The following SRC variants were observed in gnomAD, a reference collection of about 807,000 sequenced individuals.
SRC encodes the protein SRC proto-oncogene, non-receptor tyrosine kinase.
Under a neutral mutation model 62.9 loss-of-function variants are expected in SRC, and 13 were observed. The ratio of observed to expected loss-of-function variants is 0.21; its 90% CI spans 0.13 to 0.33. SRC has a LOEUF of 0.33. Ranked by LOEUF, SRC falls within the 10% of genes least tolerant of loss-of-function variation. The pLI, the probability that SRC is intolerant of heterozygous loss-of-function variation, is 1.00. For synonymous variants in SRC, 302 were observed against 317.5 expected (o/e 0.95, Z 0.52); for missense variants, 457 against 737.3 (o/e 0.62, Z 4.40).
In SRC at chr20:37,403,955, G is replaced by A. The variant is rs1022318480; in HGVS notation, c.*576G>A. Reference sequence around the variant, plus strand: ...GGCCTTGCCTGGCCTGATGATGGTGGGTGGGTGGGATGAGTACCCCCTCAA... The same window carrying A: ...GGCCTTGCCTGGCCTGATGATGGTGAGTGGGTGGGATGAGTACCCCCTCAA... On this transcript the variant is annotated 3_prime_UTR_variant, in exon 14 of 14. Transcript: ENST00000373578. This position sits in a 1 kb window ranked among gnomAD's most constrained non-coding sequence, Gnocchi z 7.1. The A allele has an allele frequency of 4.2e-6, 1 of 239,110 alleles. No homozygotes were observed. The highest frequency in any genetic ancestry group is 8.3e-6 in the Non-Finnish European group (1 of 120,874). The allele number at this position is 239,110 out of a possible 1,614,324, so 14.8% of individuals were successfully genotyped here.
chr20:37,384,197 G>C lies in SRC; in HGVS notation c.44G>C (p.Arg15Pro). The change falls in exon 4 of 14, where the codon CGC becomes CCC. Residue 15 changes from arginine to proline, a missense_variant. Arg to Pro is a moderately radical substitution (Grantham distance 103). Coordinates refer to ENST00000373578, the MANE Select transcript of SRC (RefSeq NM_198291.3). The surrounding 1 kb of genome is among the most constrained non-coding windows in gnomAD (Gnocchi z 6.7). Reference protein sequence around the residue: ...KSKPKDASQRRRSLEPAENVH... With the variant: ...KSKPKDASQRPRSLEPAENVH... ...AAGCCCAAGGATGCCAGCCAGCGGC[G>C]CCGCAGCCTGGAGCCCGCCGAGAAC... 6.3e-7 allele frequency: 1 copy of C among 1,596,922 alleles called. No homozygotes were observed. Among genetic ancestry groups the C allele is most frequent in the Non-Finnish European group, 8.5e-7 (1 of 1,175,910 alleles).
chr20:37,357,084 TG>T (rs2069894078), intron 1 of SRC, among the ~76,000 whole-genome samples: 1 of 152,078 alleles, frequency 6.6e-6, no homozygotes, highest in South Asian at 2.1e-4. Context: ...TGCTGGGCTG[TG>T]GGGGGCGGCT....
intron 5 of SRC, among the ~76,000 whole-genome samples, chr20:37,390,095 C>T (rs1046888612): frequency 1.3e-5 from 2 of 152,160 alleles, no homozygotes; most frequent in South Asian, 2.1e-4. Flanking sequence ...TCATCACAGT[C>T]GTCATCTCAG....
At chr20:37,383,301 CA>C (rs1277144430) in intron 3 of SRC, among the ~76,000 whole-genome samples, 1 of 152,192 alleles carries the variant, frequency 6.6e-6, no homozygotes, top group Non-Finnish European at 1.5e-5. Context: ...AGCATTTGGG[CA>C]GTGGGAATGG....
intron 2 of SRC, among the ~76,000 whole-genome samples, chr20:37,368,577 G>A: frequency 1.0e-5 from 1 of 99,284 alleles, no homozygotes; most frequent in Non-Finnish European, 1.9e-5. Context: ...TTTTGAGACG[G>A]AGTCTCGCTC....
At chr20:37,377,936 G>A (rs564619012) in intron 2 of SRC, among the ~76,000 whole-genome samples, 21 of 152,010 alleles carry the variant, frequency 1.4e-4, no homozygotes, top group South Asian at 1.0e-3. Context: ...GGGTACATGA[G>A]ATATCTTGAC....
rs1181679354 is a variant in SRC, at chr20:37,398,373, A to G, written c.859+519A>G. Among the ~76,000 whole-genome samples, 1 of 152,222 alleles carries G rather than the reference A, an allele frequency of 6.6e-6. No individual in the cohort carries two copies. Among genetic ancestry groups the G allele is most frequent in the African/African-American group, 2.4e-5 (1 of 41,454 alleles). ...GCACCGTGCAGCCCTGACAAAACCC[A>G]GGCCCCTCTTCCACCGGATGCTTTC... On this transcript the variant is annotated intron_variant, in intron 9 of 13. Transcript: ENST00000373578. This position sits in a 1 kb window ranked among gnomAD's most constrained non-coding sequence, Gnocchi z 5.2.
chr20:37,386,358 C>T lies in SRC; in HGVS notation c.350+184C>T, dbSNP rs2070455662. ...CCCTGGGCAGCACCTGCTGTTGCTC[C>T]CCCAGCCATGGGGAACTCCTCCCAA... On this transcript the variant is annotated intron_variant, in intron 5 of 13. Coordinates refer to ENST00000373578, the MANE Select transcript of SRC (RefSeq NM_198291.3). 3 of 728,442 alleles carry T rather than the reference C, an allele frequency of 4.1e-6. No homozygotes were observed. In the Admixed American group the frequency reaches 6.0e-5, roughly 14 times the overall value. 45.1% of individuals were successfully genotyped at this position (728,442 alleles called of 1,614,324 possible).
chr20:37,386,967 G>C (rs2070465415), intron 5 of SRC, among the ~76,000 whole-genome samples: 1 of 152,252 alleles, frequency 6.6e-6, no homozygotes, highest in African/African-American at 2.4e-5. Context: ...GGACTGAGAG[G>C]GTCAAGGGCC....
chr20:37,404,595 C>T lies in SRC; in HGVS notation c.*1216C>T, dbSNP rs534269287. 8.6e-6 allele frequency: 2 copies of T among 233,772 alleles called. No individual in the cohort carries two copies. Among genetic ancestry groups the T allele is most frequent in the East Asian group, 6.0e-5 (1 of 16,588 alleles). 14.5% of individuals were successfully genotyped at this position (233,772 alleles called of 1,614,324 possible). On this transcript the variant is annotated 3_prime_UTR_variant, in exon 14 of 14. Transcript: ENST00000373578. ...GCGGGGGTGAAAGAGGACGTGTTAC[C>T]CACTGCCATGCACCAGGACTGGCTG...
At chr20:37,401,306 G>A (rs1298705638) in intron 10 of SRC, among the ~76,000 whole-genome samples, 2 of 152,084 alleles carry the variant, frequency 1.3e-5, no homozygotes, top group Non-Finnish European at 2.9e-5. Flanking sequence ...CCCGGCCTGA[G>A]ATGCATCCTT....
At chr20:37,399,670 G>A (rs1302017448) in intron 9 of SRC, among the ~76,000 whole-genome samples, 2 of 151,546 alleles carry the variant, frequency 1.3e-5, no homozygotes, top group African/African-American at 2.4e-5. Flanking sequence ...TCAGCCTCCC[G>A]AGTATCCAGT....
Position 37,405,093 on chromosome 20 carries a change from T to G in SRC, c.*1714T>G. On this transcript the variant is annotated 3_prime_UTR_variant, in exon 14 of 14. Coordinates refer to ENST00000373578, the MANE Select transcript of SRC (RefSeq NM_198291.3). ...CAGTGCCTGCCTATGAAATTTCAAC[T>G]TTTCCTTTCATACGTCTTTATTACC... 4.3e-6 allele frequency: 1 copy of G among 233,508 alleles called. No individual in the cohort carries two copies. The highest frequency in any genetic ancestry group is 8.5e-6 in the Non-Finnish European group (1 of 117,940). The allele number at this position is 233,508 out of a possible 1,614,324, so 14.5% of individuals were successfully genotyped here. A position where few individuals can be genotyped will look rare whatever the true frequency, so the allele number is the denominator to read the frequency against.
At chr20:37,359,148 G>C (rs558141782) in intron 1 of SRC, among the ~76,000 whole-genome samples, 1 of 152,236 alleles carries the variant, frequency 6.6e-6, no homozygotes. Context: ...AGGGCACAGT[G>C]GTGGGGCATA....
At chr20:37,374,941 T>TG in intron 2 of SRC, among the ~76,000 whole-genome samples, 1 of 152,044 alleles carries the variant, frequency 6.6e-6, no homozygotes, top group East Asian at 1.9e-4. Context: ...TCTATTCTTT[T>TG]TTTTTTTGAG....
In SRC at chr20:37,357,091, C is replaced by T. The variant is rs1200212634; in HGVS notation, c.-246-8113C>T. Among the ~76,000 whole-genome samples, 4 of 152,136 alleles carry T rather than the reference C, an allele frequency of 2.6e-5. No homozygotes were observed. The South Asian group carries it at 6.2e-4, about 24-fold the overall frequency. ...CTGAGACTTGCTGGGCTGTGGGGGG[C>T]GGCTTCCGGTCTACCCTGGGCTCTC... is the stretch of plus-strand genomic sequence containing the variant. On this transcript the variant is annotated intron_variant, in intron 1 of 13. Coordinates refer to ENST00000373578, the MANE Select transcript of SRC (RefSeq NM_198291.3).
intron 1 of SRC, among the ~76,000 whole-genome samples, chr20:37,361,913 G>T (rs909908527): frequency 7.9e-6 from 1 of 126,898 alleles, no homozygotes; most frequent in Non-Finnish European, 1.7e-5. Context: ...AGATGCCGGG[G>T]TCTCTGTGTG....
intron 5 of SRC, among the ~76,000 whole-genome samples, chr20:37,392,281 C>T (rs2147084810): frequency 6.6e-6 from 1 of 152,308 alleles, no homozygotes; most frequent in East Asian, 1.9e-4. Context: ...CCGGCTGAAC[C>T]CCAGTGTCTC....
chr20:37,390,013 C>G (rs77103061), intron 5 of SRC, among the ~76,000 whole-genome samples: 1,765 of 152,250 alleles, frequency 0.012, 39 homozygotes, highest in African/African-American at 0.04. Flanking sequence ...TTTGAGCCTC[C>G]CAAGCCCTTG....
Sources: gnomAD v4.1 joint callset for allele counts (sites outside exome capture counted in the v4.1 genomes callset) on GRCh38, gnomAD v4.1.1 for gene constraint, Gnocchi (gnomAD v3.1) non-coding constraint, MANE v1.5 for transcripts, NCBI Gene and HGNC (gene_info 2026-07-23, HGNC 2026-07-21) for gene names.